KCNN2: variants seen among roughly 807,000 people sequenced by gnomAD.
KCNN2 encodes small conductance calcium-activated potassium channel protein 2.
In KCNN2, 24 loss-of-function variants were observed where a neutral mutation model predicts 55.5. The ratio of observed to expected loss-of-function variants is 0.43; its 90% CI spans 0.31 to 0.61. The LOEUF (loss-of-function observed/expected upper bound fraction) is 0.61. Among genes scored for constraint, KCNN2 ranks in the 20% least tolerant of loss-of-function variants. The pLI, the probability that KCNN2 is intolerant of heterozygous loss-of-function variation, is 0.08. For missense variants in KCNN2, 754 were observed against 853.6 expected, an observed-to-expected ratio of 0.88 and a Z score of 1.45; for synonymous variants, 431 against 336.1, an observed-to-expected ratio of 1.28 and a Z score of -3.09.
chr5:114,183,086 G>C (rs1753268851), intron 1 of KCNN2, among the ~76,000 whole-genome samples: 1 of 152,040 alleles, frequency 6.6e-6, no homozygotes, highest in Non-Finnish European at 1.5e-5. Flanking sequence ...ATCATGAACA[G>C]ATGCTGAATT....
intron 1 of KCNN2, among the ~76,000 whole-genome samples, chr5:114,064,358 GC>G (rs1404734478): frequency 2.6e-5 from 4 of 152,188 alleles, no homozygotes; most frequent in African/African-American, 9.7e-5. Flanking sequence ...CTGAGCCCAG[GC>G]CTTAAGAGGA....
At chr5:114,478,404 A>G (rs1762068247) in intron 5 of KCNN2, among the ~76,000 whole-genome samples, 2 of 152,144 alleles carry the variant, frequency 1.3e-5, no homozygotes, top group South Asian at 4.1e-4. Flanking sequence ...TTATGTAAAG[A>G]GATCAAACAT....
rs1757474132 is a variant in KCNN2, at chr5:114,362,820, C to T, written c.681C>T (p.Ser227=). 1 of 1,599,064 alleles carries T rather than the reference C, an allele frequency of 6.3e-7. No homozygotes were observed. Among genetic ancestry groups the T allele is most frequent in the Non-Finnish European group, 8.5e-7 (1 of 1,178,022 alleles). The part of the protein sequence containing the change: ...RYNGGVMRPL[S]NLSASRRNLH... ...ACGGGGGCGTCATGCGGCCGCTCAG[C>T]AACTTGAGCGCGTCCCGCCGGAACC... Residue 227 remains serine (S), a synonymous_variant, in exon 1 of 8, where the codon AGC becomes AGT. Coordinates refer to ENST00000673685, the MANE Select transcript of KCNN2 (RefSeq NM_021614.4).
rs1305071392 is a variant in KCNN2 at position 114,295,605 on chromosome 5, C to A, written c.-184-65340C>A. Among the ~76,000 whole-genome samples the A allele has an allele frequency of 2.6e-5, 4 of 152,248 alleles. No homozygotes were observed. The South Asian group carries it at 8.3e-4, about 32-fold the overall frequency. On this transcript the variant is annotated intron_variant, in intron 2 of 10. Coordinates refer to the KCNN2 transcript ENST00000512097. ...AGATTTTCCAGGTGCCATCTGTCAC[C>A]CCTTTCTTTGACTAGGAAAGGGAAC...
At chr5:114,187,825 T>C (rs1753369974) in intron 1 of KCNN2, among the ~76,000 whole-genome samples, 4 of 148,672 alleles carry the variant, frequency 2.7e-5, no homozygotes, top group South Asian at 2.1e-4. Context: ...TTCTTTTTTT[T>C]TTTTTTTGAG....
intron 2 of KCNN2, among the ~76,000 whole-genome samples, chr5:114,339,395 C>A (rs1337804894): frequency 6.6e-6 from 1 of 152,208 alleles, no homozygotes; most frequent in African/African-American, 2.4e-5. Context: ...GAGCTCTGAG[C>A]AGCAGACATG....
intron 1 of KCNN2, among the ~76,000 whole-genome samples, chr5:114,075,493 G>A (rs1197364070): frequency 6.6e-6 from 1 of 152,128 alleles, no homozygotes; most frequent in South Asian, 2.1e-4. Context: ...TGTGTAAAAT[G>A]CAGGACTAAA....
chr5:114,173,626 T>C (rs1394999704), intron 1 of KCNN2, among the ~76,000 whole-genome samples: 1 of 152,014 alleles, frequency 6.6e-6, no homozygotes, highest in Non-Finnish European at 1.5e-5. Flanking sequence ...TTCATGAACA[T>C]AGAATATCTT....
At chr5:114,345,905 C>T (rs577354243) in intron 2 of KCNN2, among the ~76,000 whole-genome samples, 48 of 152,132 alleles carry the variant, frequency 3.2e-4, no homozygotes, top group Non-Finnish European at 6.0e-4. Context: ...CTCGGCATCC[C>T]GAGTAGCTGA....
rs750922387 is a variant in KCNN2 at position 114,463,169 on chromosome 5, C to G, written c.1758C>G (p.Val586=). The change falls in exon 4 of 8, where the codon GTC becomes GTG. Residue 586 remains valine (V), a synonymous_variant. Coordinates refer to ENST00000673685, the MANE Select transcript of KCNN2 (RefSeq NM_021614.4). Reference sequence around the variant, plus strand: ...CTAACACATACTGTGGAAAAGGAGTCTGCTTACTTACTGGAATTATGGTAA... The same window carrying G: ...CTAACACATACTGTGGAAAAGGAGTGTGCTTACTTACTGGAATTATGGTAA... ...MVPNTYCGKG[V]CLLTGIMGAG... is the part of the protein sequence containing the mutation. 6 of 1,611,152 alleles carry G rather than the reference C, an allele frequency of 3.7e-6. No individual in the cohort carries two copies. Among genetic ancestry groups the G allele is most frequent in the Non-Finnish European group, 5.1e-6 (6 of 1,178,974 alleles).
intron 2 of KCNN2, among the ~76,000 whole-genome samples, chr5:114,337,512 T>C (rs1347999492): frequency 6.6e-6 from 1 of 152,226 alleles, no homozygotes; most frequent in Non-Finnish European, 1.5e-5. Flanking sequence ...AAAGTTTCTT[T>C]ACTGGGCTTA....
chr5:114,222,128 A>C (rs1336719680), intron 2 of KCNN2, among the ~76,000 whole-genome samples: 2 of 152,220 alleles, frequency 1.3e-5, no homozygotes, highest in Non-Finnish European at 2.9e-5. Context: ...CAGTGAAAGT[A>C]TATCCAAAGC....
chr5:114,151,195 G>C (rs1451515753), intron 1 of KCNN2, among the ~76,000 whole-genome samples: 1 of 151,966 alleles, frequency 6.6e-6, no homozygotes, highest in Non-Finnish European at 1.5e-5. Flanking sequence ...AGAAAAAAAT[G>C]ATTCTTTTGG....
chr5:114,279,900 G>A (rs942748455), intron 2 of KCNN2, among the ~76,000 whole-genome samples: 2 of 152,160 alleles, frequency 1.3e-5, no homozygotes, highest in Non-Finnish European at 2.9e-5. Flanking sequence ...AGTTGAACTA[G>A]TTTACAGTCC....
chr5:114,167,441 G>T (rs932898449), intron 1 of KCNN2, among the ~76,000 whole-genome samples: 6 of 152,086 alleles, frequency 3.9e-5, no homozygotes, highest in African/African-American at 1.4e-4. Context: ...GAAGTGATCA[G>T]ATGAGAATGC....
intron 2 of KCNN2, among the ~76,000 whole-genome samples, chr5:114,255,570 T>G (rs1754965310): frequency 1.3e-5 from 2 of 152,158 alleles, no homozygotes; most frequent in Admixed American, 1.3e-4. Context: ...CCTTGTAGGC[T>G]GCTATAAGGA....
intron 5 of KCNN2, among the ~76,000 whole-genome samples, chr5:114,483,713 CTGTG>C (rs3070952): frequency 0.021 from 3,065 of 148,324 alleles, 98 homozygotes; most frequent in African/African-American, 0.069. Context: ...TATTTTTCAA[CTGTG>C]TGTGTGTGTG....
At chr5:114,451,237 G>A (rs1760661085) in intron 3 of KCNN2, among the ~76,000 whole-genome samples, 1 of 152,134 alleles carries the variant, frequency 6.6e-6, no homozygotes, top group Non-Finnish European at 1.5e-5. Context: ...AAAATTTGTG[G>A]ATGTTCTATC....
chr5:114,416,336 C>T (rs1759304127), intron 3 of KCNN2, among the ~76,000 whole-genome samples: 1 of 152,020 alleles, frequency 6.6e-6, no homozygotes, highest in African/African-American at 2.4e-5. Context: ...CAAACATTTG[C>T]AATGTGTCTG....
Sources: allele counts gnomAD v4.1 joint callset (sites outside exome capture counted in the v4.1 genomes callset), GRCh38; gene constraint gnomAD v4.1.1; transcripts MANE v1.5; gene names NCBI Gene and HGNC (gene_info 2026-07-23, HGNC 2026-07-21).